ENOSF1: variants seen among roughly 807,000 people sequenced by gnomAD.
ENOSF1 encodes mitochondrial enolase superfamily member 1.
Under a neutral mutation model 68.2 loss-of-function variants are expected in ENOSF1, and 73 were observed. The ratio of observed to expected loss-of-function variants is 1.07; its 90% CI spans 0.89 to 1.30. The LOEUF is 1.30. ENOSF1 is among the 50% of genes most tolerant of loss of function. The pLI is 0.00. For missense variants in ENOSF1, 589 were observed against 554.5 expected, an observed-to-expected ratio of 1.06 and a Z score of -0.62; for synonymous variants, 223 against 210.4, an observed-to-expected ratio of 1.06 and a Z score of -0.52.
chr18:669,191 G>A (rs778081169), downstream of ENOSF1: 12 of 1,605,422 alleles, frequency 7.5e-6, no homozygotes, highest in Middle Eastern at 1.7e-4. Flanking sequence ...GAACCCCGTC[G>A]TCTTCATTTA....
intron 11 of ENOSF1, among the ~76,000 whole-genome samples, chr18:682,596 G>A (rs528046761): frequency 1.3e-5 from 2 of 151,992 alleles, no homozygotes; most frequent in Non-Finnish European, 2.9e-5. Context: ...AAGGCCGGGC[G>A]CGGTGGCTCA....
intron 8 of ENOSF1, 129 bp from the exon 9 acceptor site, chr18:688,737 T>C: frequency 1.3e-6 from 1 of 784,364 alleles, no homozygotes; most frequent in Non-Finnish European, 2.1e-6. Flanking sequence ...CCATGTGTTG[T>C]TGAAATTAAC....
chr18:666,568 G>T (rs532315168), downstream of ENOSF1, among the ~76,000 whole-genome samples: 1 of 152,302 alleles, frequency 6.6e-6, no homozygotes, highest in East Asian at 1.9e-4. Flanking sequence ...TACTAGCTGG[G>T]CAGAGACCAG....
At chr18:706,236 A>T (rs1374286392) in intron 2 of ENOSF1, among the ~76,000 whole-genome samples, 2 of 152,128 alleles carry the variant, frequency 1.3e-5, no homozygotes, top group Non-Finnish European at 2.9e-5. Context: ...AGGATTTTCT[A>T]ACAGGCTAGA....
At chr18:712,299 C>G (rs2079647853) in intron 1 of ENOSF1, 3 of 1,511,420 alleles carry the variant, frequency 2.0e-6, no homozygotes, top group South Asian at 2.4e-5. Context: ...GGAAGCTGCC[C>G]GGGGCCCGCA....
chr18:669,215 C>G, downstream of ENOSF1: 1 of 1,562,446 alleles, frequency 6.4e-7, no homozygotes, highest in Non-Finnish European at 8.8e-7. Flanking sequence ...TAACCATACT[C>G]TTAGAGGGAA....
At chr18:711,918 C>T (rs751570026) in intron 1 of ENOSF1, among the ~76,000 whole-genome samples, 9 of 152,096 alleles carry the variant, frequency 5.9e-5, no homozygotes, top group Non-Finnish European at 1.0e-4. Context: ...TGGAACTTCT[C>T]CAAGTCACAC....
rs901834005 is a variant in ENOSF1, at chr18:672,448, C to A, written c.*1857G>T. On this transcript the variant is annotated 3_prime_UTR_variant, in exon 16 of 16. Coordinates refer to ENST00000647584, the MANE Select transcript of ENOSF1 (RefSeq NM_017512.7). ...CATCCCAGGAATCCTGGCTTTCATC[C>A]CTTTCTGTTCACTGTCCATGCATGT... The A allele has an allele frequency of 6.4e-6, 1 of 155,132 alleles. No individual in the cohort carries two copies. Among genetic ancestry groups the A allele is most frequent in the African/African-American group, 2.4e-5 (1 of 41,508 alleles). The allele number at this position is 155,132 out of a possible 1,614,324, so 9.6% of individuals were successfully genotyped here. A position where few individuals can be genotyped will look rare whatever the true frequency, so the allele number is the denominator to read the frequency against.
intron 10 of ENOSF1, among the ~76,000 whole-genome samples, chr18:685,572 C>A (rs187596185): frequency 3.2e-4 from 49 of 152,274 alleles, no homozygotes; most frequent in African/African-American, 1.1e-3. Context: ...TCCAACATTT[C>A]TTCAGTAATG....
chr18:681,872 A>G (rs1052894598), intron 11 of ENOSF1, among the ~76,000 whole-genome samples: 4 of 152,224 alleles, frequency 2.6e-5, no homozygotes, highest in African/African-American at 9.6e-5. Context: ...AGGCTTTGGC[A>G]GAGTATCCCA....
intron 15 of ENOSF1, 94 bp from the exon 16 acceptor site, chr18:674,500 T>G: frequency 1.3e-6 from 1 of 791,826 alleles, no homozygotes; most frequent in Non-Finnish European, 2.1e-6. Context: ...TGCTTTTACG[T>G]CTAAGCCAGA....
chr18:668,219 C>G (rs1264523324), downstream of ENOSF1, among the ~76,000 whole-genome samples: 1 of 151,332 alleles, frequency 6.6e-6, no homozygotes, highest in Non-Finnish European at 1.5e-5. Context: ...ACTACACTAC[C>G]AAGGTTCATC....
intron 15 of ENOSF1, among the ~76,000 whole-genome samples, chr18:675,000 C>T (rs9948583): frequency 0.4 from 60,607 of 152,038 alleles, 13,087 homozygotes; most frequent in East Asian, 0.67. Context: ...TGGCCCCAGC[C>T]ACACAATTGT....
chr18:707,894 C>G (rs925157178), intron 1 of ENOSF1, among the ~76,000 whole-genome samples: 1 of 152,024 alleles, frequency 6.6e-6, no homozygotes, highest in Non-Finnish European at 1.5e-5. Flanking sequence ...GACTCTCACT[C>G]TGTTCTCCAG....
intron 2 of ENOSF1, among the ~76,000 whole-genome samples, chr18:697,886 C>T (rs997246863): frequency 6.6e-6 from 1 of 152,120 alleles, no homozygotes; most frequent in Non-Finnish European, 1.5e-5. Flanking sequence ...CTTGACCTCC[C>T]CGGCTCAGGT....
intron 2 of ENOSF1, 37 bp downstream of exon 2, chr18:706,433 T>C (rs1327651226): frequency 7.6e-7 from 1 of 1,314,414 alleles, no homozygotes; most frequent in East Asian, 2.3e-5. Flanking sequence ...ATCTGAAAAT[T>C]AAGCATTCTG....
chr18:701,939 G>GATAGATAAATAAATAA (rs2078398279), intron 2 of ENOSF1, among the ~76,000 whole-genome samples: 3 of 148,176 alleles, frequency 2.0e-5, no homozygotes, highest in African/African-American at 7.5e-5. Context: ...TAAATACATA[G>GATAGATAAATAAATAA]ATAAATAAAT....
At chr18:698,165 A>T (rs1018293764) in intron 2 of ENOSF1, among the ~76,000 whole-genome samples, 1 of 152,248 alleles carries the variant, frequency 6.6e-6, no homozygotes, top group African/African-American at 2.4e-5. Flanking sequence ...ATACTGAGCT[A>T]AACTTCCTGA....
Position 674,349 on chromosome 18 carries a change from C to G in ENOSF1, c.1288G>C (p.Asp430His). ...AGGAGTTTCTTCCAAACTTCACCAT[C>G]TGGATACTGGTGTTTCTTTACAGAT... ...EESVKKHQYP[D>H]GEVWKKLLPA... is the part of the protein sequence containing the mutation. Residue 430 changes from aspartate (D) to histidine (H), a missense_variant, in exon 16 of 16, where the codon GAT becomes CAT. Physicochemically the swap from Asp to His is moderately conservative, Grantham distance 81. Coordinates refer to ENST00000647584, the MANE Select transcript of ENOSF1 (RefSeq NM_017512.7). The G allele has an allele frequency of 6.2e-7, 1 of 1,612,716 alleles. No individual in the cohort carries two copies. The highest frequency in any genetic ancestry group is 8.5e-7 in the Non-Finnish European group (1 of 1,179,504).
Sources: gnomAD v4.1 joint callset for allele counts (sites outside exome capture counted in the v4.1 genomes callset) on GRCh38, gnomAD v4.1.1 for gene constraint, MANE v1.5 for transcripts, NCBI Gene and HGNC (gene_info 2026-07-23, HGNC 2026-07-21) for gene names.